Variants in SPRY3 observed in about 807,000 individuals in gnomAD.
The protein encoded by SPRY3 is sprouty RTK signaling antagonist 3.
In SPRY3, 15 loss-of-function variants were observed where a neutral mutation model predicts 20.2. The observed-to-expected ratio is 0.74, with a 90% CI of 0.50 to 1.14. SPRY3 has a LOEUF of 1.14. SPRY3 is among the 50% of genes most tolerant of loss of function. The pLI is 0.00. For missense variants in SPRY3, 364 were observed against 363.9 expected, an observed-to-expected ratio of 1.00 and a Z score of 0.00; for synonymous variants, 143 against 136.5, an observed-to-expected ratio of 1.05 and a Z score of -0.33.
intron 2 of SPRY3, among the ~76,000 whole-genome samples, chrX:155,694,138 C>G (rs1157093976): frequency 8.9e-6 from 1 of 112,370 alleles, no homozygotes; most frequent in Non-Finnish European, 1.9e-5. Context: ...ATTTTTATGT[C>G]ATTGGACCTA....
At position 155,720,724 on chromosome X, in the gene SPRY3, C is replaced by T. The variant is rs2091051879; in HGVS notation, c.-281-47238C>T. The stretch of plus-strand genomic sequence containing the variant: ...CAGTATATCTAAAAGTCTGCAAGAA[C>T]CACAGTGTTACTGCTGCCCCCTAAA... On this transcript the variant is annotated intron_variant, in intron 2 of 3. Transcript: ENST00000675360. Among the ~76,000 whole-genome samples the T allele has an allele frequency of 2.6e-5, 4 of 151,348 alleles. No individual in the cohort carries two copies. In the East Asian group the frequency reaches 7.8e-4, roughly 29 times the overall value.
chrX:155,620,080 T>C (rs781823131), intron 1 of SPRY3, among the ~76,000 whole-genome samples: 1 of 112,029 alleles, frequency 8.9e-6, no homozygotes, highest in South Asian at 3.7e-4. Context: ...CATACATTGC[T>C]GATGGCAAAA....
At chrX:155,750,161 A>G (rs1434077636) in intron 2 of SPRY3, among the ~76,000 whole-genome samples, 2 of 151,952 alleles carry the variant, frequency 1.3e-5, no homozygotes, top group Admixed American at 1.3e-4. Context: ...CATTATCCCA[A>G]GCAAACTAAT....
chrX:155,767,540 G>C (rs936540952), intron 2 of SPRY3, among the ~76,000 whole-genome samples: 3 of 151,428 alleles, frequency 2.0e-5, no homozygotes. Flanking sequence ...GGTGGAGGCG[G>C]AGGCGGAGGC....
intron 2 of SPRY3, among the ~76,000 whole-genome samples, chrX:155,728,512 G>C (rs2091114148): frequency 1.3e-5 from 2 of 152,206 alleles, no homozygotes; most frequent in Admixed American, 6.5e-5. Context: ...TCAAGCCTCA[G>C]CAATGGTGGA....
chrX:155,717,083 C>T (rs1355840631), intron 2 of SPRY3, among the ~76,000 whole-genome samples: 1 of 142,458 alleles, frequency 7.0e-6, no homozygotes, highest in Admixed American at 7.1e-5. Flanking sequence ...TGCTTGAACC[C>T]GGGAAGCAGA....
At chrX:155,739,235 G>A (rs2091189077) in intron 2 of SPRY3, among the ~76,000 whole-genome samples, 1 of 152,136 alleles carries the variant, frequency 6.6e-6, no homozygotes, top group African/African-American at 2.4e-5. Context: ...TCTCCTCACT[G>A]GGATGTGTGG....
intron 2 of SPRY3, among the ~76,000 whole-genome samples, chrX:155,746,678 C>T (rs2091228345): frequency 1.3e-5 from 2 of 152,008 alleles, no homozygotes; most frequent in East Asian, 1.9e-4. Flanking sequence ...AGTTCTCGGA[C>T]ATTAATAACT....
chrX:155,663,095 G>A (rs1369004403), intron 2 of SPRY3, among the ~76,000 whole-genome samples: 1 of 112,456 alleles, frequency 8.9e-6, no homozygotes, highest in Non-Finnish European at 1.9e-5. Context: ...TGCAAAGATT[G>A]TGATGTAGGA....
intron 2 of SPRY3, among the ~76,000 whole-genome samples, chrX:155,727,066 T>C (rs1201519432): frequency 2.6e-5 from 4 of 152,276 alleles, no homozygotes; most frequent in African/African-American, 9.6e-5. Flanking sequence ...TTATAAAGCT[T>C]AGTTTGGCTG....
chrX:155,770,068 T>C (rs763040323), intron 3 of SPRY3, among the ~76,000 whole-genome samples: 5 of 152,116 alleles, frequency 3.3e-5, no homozygotes, highest in East Asian at 1.9e-4. Flanking sequence ...CAGCAGAGCA[T>C]AGAAAAAAGC....
Position 155,773,769 on chromosome X carries a change from T to G in SPRY3, c.-103T>G, listed in dbSNP as rs749190772. ...GTTTTTATGCCTTCTCTCCTAGGAT[T>G]TTCTCATGTGCCCTGAAATCCATGT... On this transcript the variant is annotated 5_prime_UTR_variant, in exon 4 of 4. The change creates a new upstream start codon in the 5' untranslated region. Transcript: ENST00000675360. 5 of 1,363,186 alleles carry G rather than the reference T, an allele frequency of 3.7e-6. No individual in the cohort carries two copies. In the East Asian group the frequency reaches 1.1e-4, roughly 31 times the overall value. 84.4% of individuals were successfully genotyped at this position (1,363,186 alleles called of 1,614,324 possible). A position where few individuals can be genotyped will look rare whatever the true frequency, so the allele number is the denominator to read the frequency against.
chrX:155,688,360 C>G (rs749344366), intron 2 of SPRY3, among the ~76,000 whole-genome samples: 15 of 110,355 alleles, frequency 1.4e-4, no homozygotes, highest in African/African-American at 4.3e-4. Context: ...ATGCATATGT[C>G]TTTATAATAG....
At chrX:155,685,642 C>T (rs1042663637) in intron 2 of SPRY3, among the ~76,000 whole-genome samples, 1 of 111,295 alleles carries the variant, frequency 9.0e-6, no homozygotes, top group African/African-American at 3.3e-5. Flanking sequence ...TTAGTTCCCA[C>T]TTATAAGTGA....
intron 2 of SPRY3, among the ~76,000 whole-genome samples, chrX:155,740,117 C>G (rs1280913903): frequency 1.3e-5 from 2 of 152,104 alleles, no homozygotes; most frequent in African/African-American, 4.8e-5. Flanking sequence ...TATCAGTTCC[C>G]AAAATTAATA....
chrX:155,776,182 TGGTGGG>T (rs2091424490), exon 4 of SPRY3: 1 of 167,106 alleles, frequency 6.0e-6, no homozygotes, highest in Non-Finnish European at 1.5e-5. Flanking sequence ...CTCCAGTGCA[TGGTGGG>T]TAGCTAATTA....
chrX:155,652,150 T>C (rs1557352430), intron 1 of SPRY3, among the ~76,000 whole-genome samples: 1 of 111,180 alleles, frequency 9.0e-6, no homozygotes. Flanking sequence ...TCCAATAATC[T>C]CCCACTAGGC....
At chrX:155,761,480 C>A (rs1433932287) in intron 2 of SPRY3, among the ~76,000 whole-genome samples, 1 of 152,066 alleles carries the variant, frequency 6.6e-6, no homozygotes, top group Non-Finnish European at 1.5e-5. Flanking sequence ...GATTCCATGT[C>A]TTTGCTATTG....
chrX:155,669,777 T>C (rs1315541257), intron 2 of SPRY3: 2 of 111,181 alleles, frequency 1.8e-5, no homozygotes, highest in Non-Finnish European at 3.8e-5. Flanking sequence ...GGAAGGAAAC[T>C]GTCTATTTTC....
Sources: allele counts gnomAD v4.1 joint callset (sites outside exome capture counted in the v4.1 genomes callset), GRCh38; gene constraint gnomAD v4.1.1; transcripts MANE v1.5; gene names NCBI Gene and HGNC (gene_info 2026-07-23, HGNC 2026-07-21).